The following DYDC2 variants were observed in gnomAD, a reference collection of about 807,000 sequenced individuals.
DYDC2 encodes the protein DPY30 domain containing 2.
DYDC2 carries 19 observed loss-of-function variants against 18.7 expected under a neutral mutation model. The ratio of observed to expected loss-of-function variants is 1.02; its 90% confidence interval spans 0.71 to 1.49. The LOEUF is 1.49. Among genes scored for constraint, DYDC2 ranks in the 40% most tolerant of loss-of-function variants. DYDC2 has a pLI of 0.00. For synonymous variants in DYDC2, 63 were observed against 67.6 expected (o/e 0.93, Z 0.34); for missense variants, 179 against 205.1 (o/e 0.87, Z 0.78).
chr10:80,356,547 C>T, upstream of DYDC2: 1 of 985,538 alleles, frequency 1.0e-6, no homozygotes, highest in Non-Finnish European at 1.2e-6. Context: ...AGGAGGACAG[C>T]TGGCCGCTTT....
intron 1 of DYDC2, among the ~76,000 whole-genome samples, 163 bp downstream of exon 1, chr10:80,356,988 A>C: frequency 8.7e-6 from 1 of 115,196 alleles, no homozygotes; most frequent in East Asian, 2.9e-4. Flanking sequence ...GCCGCAGAGT[A>C]GAGGGGGCGC....
At position 80,366,766 on chromosome 10, in the gene DYDC2, T is replaced by C. The variant is rs758863864; in HGVS notation, c.349T>C (p.Leu117=). 1.9e-6 allele frequency: 3 copies of C among 1,614,172 alleles called. No individual in the cohort carries two copies. In the South Asian group the frequency reaches 3.3e-5, roughly 18 times the overall value. The part of the protein sequence containing the change: ...EDTNPLEKEA[L]KQEFLPGTSS... ...CACAAACCCCCTTGAGAAGGAGGCCTTGAAGCAGGAATTCCTGCCAGGTAC... is the reference window on the plus strand; with the variant it reads ...CACAAACCCCCTTGAGAAGGAGGCCCTGAAGCAGGAATTCCTGCCAGGTAC... The change falls in exon 5 of 5, where the codon TTG becomes CTG. Residue 117 remains leucine, a synonymous_variant. Coordinates refer to ENST00000256039, the MANE Select transcript of DYDC2 (RefSeq NM_032372.6).
intron 2 of DYDC2, among the ~76,000 whole-genome samples, chr10:80,358,426 T>C (rs1843521970): frequency 6.6e-6 from 1 of 152,196 alleles, no homozygotes; most frequent in African/African-American, 2.4e-5. Flanking sequence ...CCTCCAGCCC[T>C]CAGATTATGG....
chr10:80,358,737 T>C (rs1377571342), intron 2 of DYDC2, among the ~76,000 whole-genome samples: 6 of 152,166 alleles, frequency 3.9e-5, no homozygotes, highest in Admixed American at 1.3e-4. Context: ...AGATTCTGCA[T>C]CTCAACAAGT....
intron 4 of DYDC2, among the ~76,000 whole-genome samples, chr10:80,365,150 G>A (rs1023353836): frequency 3.3e-5 from 5 of 151,794 alleles, no homozygotes; most frequent in East Asian, 1.9e-4. Context: ...TTCCTTGATC[G>A]CTTTAAAAAA....
intron 2 of DYDC2, among the ~76,000 whole-genome samples, 174 bp from the exon 3 acceptor site, chr10:80,362,261 A>G (rs1366012108): frequency 3.3e-5 from 5 of 152,246 alleles, no homozygotes; most frequent in African/African-American, 4.8e-5. Context: ...TTCATGGCAC[A>G]ATCCTCCACT....
chr10:80,345,821 T>C (rs548009453), intron 1 of DYDC2, among the ~76,000 whole-genome samples: 9 of 152,270 alleles, frequency 5.9e-5, no homozygotes, highest in Non-Finnish European at 8.8e-5. Flanking sequence ...GTGATACATA[T>C]ATGTGAGATA....
At chr10:80,357,162 G>T (rs1843433416) in intron 1 of DYDC2, among the ~76,000 whole-genome samples, 1 of 150,186 alleles carries the variant, frequency 6.7e-6, no homozygotes, top group African/African-American at 2.5e-5. Flanking sequence ...GCGCACGAGG[G>T]GGCAACGGGC....
intron 1 of DYDC2, among the ~76,000 whole-genome samples, chr10:80,348,504 G>A (rs1457298697): frequency 6.6e-6 from 1 of 152,226 alleles, no homozygotes; most frequent in Non-Finnish European, 1.5e-5. Flanking sequence ...CACGTCCAGT[G>A]CTGTCAAAAC....
intron 1 of DYDC2, among the ~76,000 whole-genome samples, chr10:80,346,331 T>G (rs1842620349): frequency 6.6e-6 from 1 of 152,154 alleles, no homozygotes; most frequent in Non-Finnish European, 1.5e-5. Flanking sequence ...TTTAATTTTT[T>G]GAAATACACC....
chr10:80,361,244 A>G (rs1843657714), intron 2 of DYDC2, among the ~76,000 whole-genome samples: 1 of 152,016 alleles, frequency 6.6e-6, no homozygotes, highest in African/African-American at 2.4e-5. Flanking sequence ...CTTCAATTAC[A>G]TTCAAATATT....
intron 1 of DYDC2, among the ~76,000 whole-genome samples, chr10:80,357,249 G>A (rs1182359372): frequency 6.1e-4 from 92 of 151,702 alleles, no homozygotes; most frequent in African/African-American, 2.1e-3. Flanking sequence ...GTCCAGGGAG[G>A]AGGGGGAGCG....
At chr10:80,356,987 T>G (rs1160232317) in intron 1 of DYDC2, among the ~76,000 whole-genome samples, 162 bp downstream of exon 1, 21 of 63,574 alleles carry the variant, frequency 3.3e-4, no homozygotes, top group Admixed American at 7.7e-4. Context: ...CGCCGCAGAG[T>G]AGAGGGGGCG....
rs1378583648 is a variant in DYDC2 at position 80,366,993 on chromosome 10, T to C, written c.*42T>C. 6.4e-7 allele frequency: 1 copy of C among 1,560,636 alleles called. No individual in the cohort carries two copies. The highest frequency in any genetic ancestry group is 1.4e-5 in the African/African-American group (1 of 72,790). On this transcript the variant is annotated 3_prime_UTR_variant, in exon 5 of 5. Coordinates refer to ENST00000256039, the MANE Select transcript of DYDC2 (RefSeq NM_032372.6). Reference sequence around the variant, plus strand: ...GCTTCTGATTTACTTCTCTCAAAGCTAGAAGCCAAGAAAATGGCCAGCTAG... The same window carrying C: ...GCTTCTGATTTACTTCTCTCAAAGCCAGAAGCCAAGAAAATGGCCAGCTAG...
At chr10:80,362,359 A>G in intron 2 of DYDC2, 76 bp from the exon 3 acceptor site, 1 of 1,517,066 alleles carries the variant, frequency 6.6e-7, no homozygotes, top group Non-Finnish European at 8.9e-7. Context: ...ATAAATCTGA[A>G]TTGGTTAGAA....
chr10:80,358,319 A>C (rs1405580241), intron 2 of DYDC2, among the ~76,000 whole-genome samples: 1 of 152,174 alleles, frequency 6.6e-6, no homozygotes, highest in Non-Finnish European at 1.5e-5. Context: ...CAGAGATTGC[A>C]GTAAGACGAG....
intron 4 of DYDC2, 23 bp downstream of exon 4, chr10:80,363,096 G>A: frequency 6.2e-7 from 1 of 1,601,512 alleles, no homozygotes; most frequent in Non-Finnish European, 8.5e-7. Flanking sequence ...ACTCAGCTTT[G>A]GGTTGCCACA....
upstream of DYDC2, chr10:80,352,404 G>T (rs1421928647): frequency 1.3e-6 from 2 of 1,499,812 alleles, no homozygotes; most frequent in Non-Finnish European, 1.8e-6. Flanking sequence ...AAGCAGACAA[G>T]TTGGACCAGT....
At chr10:80,356,419 A>C, upstream of DYDC2, 1 of 985,560 alleles carries the variant, frequency 1.0e-6, no homozygotes, top group Non-Finnish European at 1.2e-6. Context: ...CAGGGGTGCC[A>C]GATACAGTAT....
Sources: allele counts gnomAD v4.1 joint callset (sites outside exome capture counted in the v4.1 genomes callset), GRCh38; gene constraint gnomAD v4.1.1; transcripts MANE v1.5; gene names NCBI Gene and HGNC (gene_info 2026-07-23, HGNC 2026-07-21).